Variants in EVI5 observed in about 807,000 individuals in gnomAD.
EVI5 encodes ecotropic viral integration site 5 protein homolog.
In EVI5, 73 loss-of-function variants were observed where a neutral mutation model predicts 112.0. That is an observed-to-expected ratio of 0.65 (90% CI 0.54 to 0.79). The LOEUF (loss-of-function observed/expected upper bound fraction) is 0.79, where lower values mean the gene tolerates loss of function less well. EVI5 is among the 30% of genes least tolerant of loss of function. The pLI is 0.00. For missense variants in EVI5, 900 were observed against 968.8 expected, an observed-to-expected ratio of 0.93 and a Z score of 0.94; for synonymous variants, 305 against 319.9, an observed-to-expected ratio of 0.95 and a Z score of 0.50.
intron 18 of EVI5, among the ~76,000 whole-genome samples, chr1:92,603,860 C>A (rs1025357094): frequency 1.4e-4 from 21 of 151,982 alleles, no homozygotes; most frequent in African/African-American, 4.6e-4. Flanking sequence ...TCCTAAGTAA[C>A]CGCGACTGGG....
intron 9 of EVI5, among the ~76,000 whole-genome samples, chr1:92,689,802 C>T (rs1036528652): frequency 6.6e-6 from 1 of 152,200 alleles, no homozygotes; most frequent in Admixed American, 6.5e-5. Context: ...TTAATAATGC[C>T]ACCTGCAAAA....
In EVI5 at chr1:92,772,830, TG is replaced by T. The variant is rs546695051; in HGVS notation, c.-82+12005del. Among the ~76,000 whole-genome samples the T allele has an allele frequency of 1.9e-3, 261 of 135,582 alleles. 1 individual carries two copies. Among genetic ancestry groups the T allele is most frequent in the African/African-American group, 7.1e-3 (252 of 35,458 alleles). 88.9% of individuals were successfully genotyped at this position (135,582 alleles called of 152,430 possible). On this transcript the variant is annotated intron_variant, in intron 1 of 19. Coordinates refer to ENST00000684568, the MANE Select transcript of EVI5 (RefSeq NM_001350197.2). Reference sequence around the variant, plus strand: ...CTGAGGCAGGAGAATCACTTGAACCTGGGAGGTGGAGGTTGTACTGAGCCGA... The same window carrying T: ...CTGAGGCAGGAGAATCACTTGAACCTGGAGGTGGAGGTTGTACTGAGCCGA...
upstream of EVI5, among the ~76,000 whole-genome samples, chr1:92,788,825 TA>T (rs1294236294): frequency 6.6e-6 from 1 of 152,046 alleles, no homozygotes; most frequent in Non-Finnish European, 1.5e-5. Flanking sequence ...AAAAACCCCA[TA>T]AAAATTAAAT....
intron 14 of EVI5, among the ~76,000 whole-genome samples, chr1:92,629,080 G>C (rs950499930): frequency 6.6e-6 from 1 of 152,130 alleles, no homozygotes; most frequent in South Asian, 2.1e-4. Flanking sequence ...CTTTCTAATT[G>C]TAAGACACAG....
chr1:92,739,269 G>A (rs1197161958), intron 1 of EVI5, among the ~76,000 whole-genome samples: 3 of 30,628 alleles, frequency 9.8e-5, no homozygotes, highest in South Asian at 4.3e-3. Context: ...GCGAAACTCC[G>A]TCTCAAAAAA....
chr1:92,557,326 C>G (rs1667830479), intron 19 of EVI5, among the ~76,000 whole-genome samples: 1 of 150,490 alleles, frequency 6.6e-6, no homozygotes, highest in Admixed American at 6.6e-5. Context: ...CTCTGTGGCC[C>G]AGGCTGGAGT....
chr1:92,653,579 C>T (rs1572128317), intron 13 of EVI5, among the ~76,000 whole-genome samples: 1 of 152,212 alleles, frequency 6.6e-6, no homozygotes, highest in South Asian at 2.1e-4. Flanking sequence ...ATGGCTGATA[C>T]CACAGGAAAC....
intron 19 of EVI5, among the ~76,000 whole-genome samples, chr1:92,543,838 G>A (rs758174862): frequency 4.6e-5 from 7 of 152,152 alleles, no homozygotes; most frequent in Non-Finnish European, 5.9e-5. Context: ...TGGAAAAACG[G>A]CATTGAAAGA....
chr1:92,515,217 C>T lies in EVI5; in HGVS notation c.2167-1247G>A, dbSNP rs368344218. ...GGAGGCTTAAGGAGGTCAAAAGCTACCTGTTACTGGGTGGGCAAGTCTGAC... is the reference window on the plus strand; with the variant it reads ...GGAGGCTTAAGGAGGTCAAAAGCTATCTGTTACTGGGTGGGCAAGTCTGAC... On this transcript the variant is annotated intron_variant, in intron 19 of 19. Transcript: ENST00000684568. 6.6e-5 allele frequency among the ~76,000 whole-genome samples: 10 copies of T among 152,196 alleles called. No individual in the cohort carries two copies. The South Asian group carries it at 1.2e-3, about 19-fold the overall frequency.
At chr1:92,780,149 C>G (rs1306096442) in intron 1 of EVI5, among the ~76,000 whole-genome samples, 2 of 152,222 alleles carry the variant, frequency 1.3e-5, no homozygotes, top group African/African-American at 4.8e-5. Context: ...GATGGTTTTA[C>G]AGGGGGCTTC....
intron 3 of EVI5, among the ~76,000 whole-genome samples, chr1:92,704,342 A>G (rs901805074): frequency 6.6e-6 from 1 of 152,194 alleles, no homozygotes; most frequent in African/African-American, 2.4e-5. Context: ...AATAATTTTC[A>G]GTTATATATT....
At position 92,736,496 on chromosome 1, in the gene EVI5, T is replaced by G; in HGVS notation, c.51A>C (p.Ser17=). The G allele has an allele frequency of 6.2e-7, 1 of 1,613,686 alleles. No homozygotes were observed. Among genetic ancestry groups the G allele is most frequent in the Non-Finnish European group, 8.5e-7 (1 of 1,179,704 alleles). ...GGGCTGGTGTTGATAGTGTGGTAGA[T>G]GAGGATGTGGTATGTAATGAAGTAG... is the stretch of plus-strand genomic sequence containing the variant. The part of the protein sequence containing the change: ...SPSTSLHTTS[S]STTLSTPALS... Residue 17 remains serine, a synonymous_variant, in exon 2 of 20, where the codon TCA becomes TCC. Coordinates refer to ENST00000684568, the MANE Select transcript of EVI5 (RefSeq NM_001350197.2).
intron 9 of EVI5, among the ~76,000 whole-genome samples, chr1:92,678,881 T>G (rs2102334228): frequency 6.6e-6 from 1 of 152,296 alleles, no homozygotes; most frequent in East Asian, 1.9e-4. Flanking sequence ...TTATACCCAC[T>G]CTGGGGTTTA....
chr1:92,531,863 T>G (rs981148166), intron 19 of EVI5, among the ~76,000 whole-genome samples: 7 of 152,128 alleles, frequency 4.6e-5, no homozygotes, highest in African/African-American at 1.7e-4. Context: ...ATTGACACTA[T>G]GAAGAAACTG....
At chr1:92,792,237 T>G (rs2103167284) in intron 1 of EVI5, 1 of 712,866 alleles carries the variant, frequency 1.4e-6, no homozygotes, top group Non-Finnish European at 2.4e-6. Context: ...GTTTTGAAGA[T>G]TAAGCGAAAT....
chr1:92,646,548 C>T (rs1661002731), intron 13 of EVI5, among the ~76,000 whole-genome samples: 1 of 152,192 alleles, frequency 6.6e-6, no homozygotes, highest in South Asian at 2.1e-4. Flanking sequence ...TAAGCTACGA[C>T]CCCTCCAAAA....
intron 2 of EVI5, among the ~76,000 whole-genome samples, chr1:92,711,068 CT>C (rs1293479148): frequency 6.6e-6 from 1 of 152,068 alleles, no homozygotes; most frequent in African/African-American, 2.4e-5. Flanking sequence ...AAAAGAATAG[CT>C]TGTGTATGGC....
At chr1:92,556,676 T>C (rs1187390209) in intron 19 of EVI5, among the ~76,000 whole-genome samples, 5 of 152,224 alleles carry the variant, frequency 3.3e-5, no homozygotes, top group Non-Finnish European at 5.9e-5. Flanking sequence ...TGAGTACATG[T>C]ATTAAAAACT....
Position 92,694,286 on chromosome 1 carries a change from A to G in EVI5, c.999+13T>C, listed in dbSNP as rs138017308. 203 of 1,493,576 alleles carry G rather than the reference A, an allele frequency of 1.4e-4. 1 individual carries two copies. The African/African-American group carries it at 2.5e-3, about 18-fold the overall frequency. 92.5% of individuals were successfully genotyped at this position (1,493,576 alleles called of 1,614,324 possible). The stretch of plus-strand genomic sequence containing the variant: ...TCTCAAAAAAAAAAAAAGAAAATAA[A>G]TTATGAACTTACCTGTAACATCCCT... On this transcript the variant is annotated intron_variant, in intron 8 of 19. Transcript: ENST00000684568.
Sources: allele counts gnomAD v4.1 joint callset (sites outside exome capture counted in the v4.1 genomes callset), GRCh38; gene constraint gnomAD v4.1.1; transcripts MANE v1.5; gene names NCBI Gene and HGNC (gene_info 2026-07-23, HGNC 2026-07-21).